The following KAT14 variants were observed in gnomAD, a reference collection of about 807,000 sequenced individuals.
KAT14 encodes the protein cysteine-rich protein 2-binding protein.
Under a neutral mutation model 78.4 loss-of-function variants are expected in KAT14, and 66 were observed. The observed-to-expected ratio is 0.84, with a 90% CI of 0.69 to 1.03. The LOEUF is 1.03. Ranked by LOEUF, KAT14 falls within the 50% of genes least tolerant of loss-of-function variation. The pLI is 0.00. For synonymous variants in KAT14, 344 were observed against 359.4 expected (o/e 0.96, Z 0.48); for missense variants, 870 against 972.5 (o/e 0.89, Z 1.40).
In KAT14 at chr20:18,181,733, A is replaced by T; in HGVS notation, c.1692A>T (p.Gly564=). The T allele has an allele frequency of 6.2e-7, 1 of 1,614,146 alleles. No individual in the cohort carries two copies. Among genetic ancestry groups the T allele is most frequent in the Non-Finnish European group, 8.5e-7 (1 of 1,180,012 alleles). The change falls in exon 8 of 11, where the codon GGA becomes GGT. Residue 564 remains glycine, a synonymous_variant. Transcript: ENST00000688188. ...AGACTTCCTTGCCGTCCAGGAAGGG[A>T]TTTCGACACCAGACCACCAAGTTTT... ...RYQTSLPSRK[G]FRHQTTKFLY...
In KAT14 at chr20:18,183,261, A is replaced by C. The variant is rs753218652; in HGVS notation, c.1944A>C (p.Pro648=). 1 of 1,613,974 alleles carries C rather than the reference A, an allele frequency of 6.2e-7. No homozygotes were observed. The highest frequency in any genetic ancestry group is 2.2e-5 in the East Asian group (1 of 44,864). Reference sequence around the variant, plus strand: ...GTTATGTGCGGCCAAATCACATCCCAACGATCAACTCCATGTGTCAGGAGT... The same window carrying C: ...GTTATGTGCGGCCAAATCACATCCCCACGATCAACTCCATGTGTCAGGAGT... The part of the protein sequence containing the change: ...DYCYVRPNHI[P]TINSMCQEFF... Residue 648 remains proline (P), a synonymous_variant, in exon 9 of 11, where the codon CCA becomes CCC. Coordinates refer to ENST00000688188, the MANE Select transcript of KAT14 (RefSeq NM_001392073.1).
At chr20:18,143,107 C>T in intron 2 of KAT14, 188 bp downstream of exon 2, 4 of 1,365,920 alleles carry the variant, frequency 2.9e-6, no homozygotes, top group South Asian at 1.8e-5. Flanking sequence ...TACTGTCAAC[C>T]TCTATCACAT....
chr20:18,177,968 G>T (rs2039106076), intron 7 of KAT14, among the ~76,000 whole-genome samples: 1 of 152,068 alleles, frequency 6.6e-6, no homozygotes, highest in Non-Finnish European at 1.5e-5. Context: ...TTGAACCCCT[G>T]ATAAGACCTC....
chr20:18,178,111 A>AAAAAAACC (rs1555803990), intron 7 of KAT14, among the ~76,000 whole-genome samples: 1 of 151,080 alleles, frequency 6.6e-6, no homozygotes, highest in Non-Finnish European at 1.5e-5. Context: ...CTATCTCAAA[A>AAAAAAACC]AAAAAACAAA....
intron 5 of KAT14, among the ~76,000 whole-genome samples, chr20:18,160,716 G>A (rs1372878182): frequency 6.6e-6 from 1 of 151,962 alleles, no homozygotes; most frequent in Non-Finnish European, 1.5e-5. Context: ...AAAAGTGCTG[G>A]GATTACAGGC....
chr20:18,180,489 G>T (rs1337874998), intron 7 of KAT14, among the ~76,000 whole-genome samples: 4 of 152,134 alleles, frequency 2.6e-5, no homozygotes, highest in African/African-American at 9.7e-5. Context: ...TTCAGCCTCT[G>T]CCTAATACCC....
chr20:18,138,358 G>C, intron 1 of KAT14: 2 of 1,081,132 alleles, frequency 1.8e-6, no homozygotes, highest in Non-Finnish European at 1.1e-6. Context: ...AGCTTTTGGG[G>C]TGCCCAGTGG....
chr20:18,152,587 A>C (rs73105591), intron 4 of KAT14, among the ~76,000 whole-genome samples: 41 of 152,286 alleles, frequency 2.7e-4, no homozygotes, highest in Admixed American at 4.6e-4. Flanking sequence ...AAACAAACAA[A>C]CAACCAACCA....
Position 18,138,301 on chromosome 20 carries a change from G to A in KAT14, c.-454+250G>A, listed in dbSNP as rs957827262. On this transcript the variant is annotated intron_variant, in intron 1 of 10. Transcript: ENST00000688188. ...CCCGGCTGCCCGGCTTAGCGCCTTTGGAGCTCCGCGCTGAAGGGGCCTTGC... is the reference window on the plus strand; with the variant it reads ...CCCGGCTGCCCGGCTTAGCGCCTTTAGAGCTCCGCGCTGAAGGGGCCTTGC... 4 of 1,189,038 alleles carry A rather than the reference G, an allele frequency of 3.4e-6. No homozygotes were observed. In the African/African-American group the frequency reaches 4.8e-5, roughly 14 times the overall value. 73.7% of individuals were successfully genotyped at this position (1,189,038 alleles called of 1,614,324 possible).
intron 7 of KAT14, among the ~76,000 whole-genome samples, chr20:18,170,619 C>T (rs1247432093): frequency 1.3e-5 from 2 of 152,228 alleles, no homozygotes; most frequent in East Asian, 3.8e-4. Context: ...ACTGCAAGCT[C>T]CACCTCCCAG....
chr20:18,165,686 A>G (rs1171709855), intron 7 of KAT14, among the ~76,000 whole-genome samples: 1 of 152,188 alleles, frequency 6.6e-6, no homozygotes, highest in Non-Finnish European at 1.5e-5. Context: ...CTTCTGAGGT[A>G]GTCACTGGCC....
chr20:18,186,440 A>C (rs189309352), intron 10 of KAT14, among the ~76,000 whole-genome samples: 19 of 152,338 alleles, frequency 1.2e-4, no homozygotes, highest in Admixed American at 1.2e-3. Flanking sequence ...ATGGATACAC[A>C]TGGAAGTTAA....
At chr20:18,159,384 G>A in intron 5 of KAT14, 119 bp downstream of exon 5, 1 of 1,129,792 alleles carries the variant, frequency 8.9e-7, no homozygotes, top group Non-Finnish European at 1.2e-6. Context: ...GAGCTACTCT[G>A]TTTAACACTT....
chr20:18,172,989 A>C (rs1214100924), intron 7 of KAT14, among the ~76,000 whole-genome samples: 1 of 152,154 alleles, frequency 6.6e-6, no homozygotes, highest in Non-Finnish European at 1.5e-5. Context: ...CTGGGACAGG[A>C]TGGCTAGAGG....
intron 10 of KAT14, among the ~76,000 whole-genome samples, chr20:18,185,423 A>G (rs1237887008): frequency 1.3e-5 from 2 of 151,832 alleles, no homozygotes; most frequent in Non-Finnish European, 2.9e-5. Flanking sequence ...TCTGTGCTTG[A>G]ACTCCTTGGT....
intron 7 of KAT14, among the ~76,000 whole-genome samples, chr20:18,179,828 C>A (rs2039184067): frequency 6.6e-6 from 1 of 152,128 alleles, no homozygotes; most frequent in Non-Finnish European, 1.5e-5. Flanking sequence ...TTCTGTTTCC[C>A]TTTTAAAATG....
At chr20:18,172,852 C>CT (rs1479985493) in intron 7 of KAT14, among the ~76,000 whole-genome samples, 1 of 152,134 alleles carries the variant, frequency 6.6e-6, no homozygotes, top group Non-Finnish European at 1.5e-5. Context: ...GATAAGTAGG[C>CT]TGTTGGAAAT....
chr20:18,160,979 A>T (rs892468709), intron 5 of KAT14, among the ~76,000 whole-genome samples: 2 of 152,088 alleles, frequency 1.3e-5, no homozygotes, highest in Admixed American at 6.5e-5. Flanking sequence ...GTTCGAGACC[A>T]GCCTGGCCAA....
intron 5 of KAT14, 30 bp downstream of exon 5, chr20:18,159,295 C>G (rs373233819): frequency 1.3e-5 from 21 of 1,603,170 alleles, no homozygotes; most frequent in Non-Finnish European, 1.5e-5. Context: ...ACAAAAGTTG[C>G]TAGTCAGACC....
Sources: gnomAD v4.1 joint callset for allele counts (sites outside exome capture counted in the v4.1 genomes callset) on GRCh38, gnomAD v4.1.1 for gene constraint, MANE v1.5 for transcripts, NCBI Gene and HGNC (gene_info 2026-07-23, HGNC 2026-07-21) for gene names.